CYB5A: variants seen among roughly 807,000 people sequenced by gnomAD.
The protein encoded by CYB5A is cytochrome b5 type A.
In CYB5A, 10 loss-of-function variants were observed where a neutral mutation model predicts 16.2. That is an observed-to-expected ratio of 0.62 (90% CI 0.38 to 1.04). The LOEUF (loss-of-function observed/expected upper bound fraction) is 1.04. Among genes scored for constraint, CYB5A ranks in the 50% least tolerant of loss-of-function variants. The probability of loss-of-function intolerance (pLI) is 0.01; values close to 1 mark genes in which losing one functional copy is unlikely to be tolerated. For synonymous variants in CYB5A, 62 were observed against 57.0 expected, an observed-to-expected ratio of 1.09 and a Z score of -0.40; for missense variants, 161 against 165.9, an observed-to-expected ratio of 0.97 and a Z score of 0.16.
Position 74,255,756 on chromosome 18 carries a change from A to T in CYB5A, c.308T>A (p.Ile103Asn). 1.9e-6 allele frequency: 3 copies of T among 1,612,602 alleles called. No homozygotes were observed. The highest frequency in any genetic ancestry group is 2.5e-6 in the Non-Finnish European group (3 of 1,178,568). Residue 103 changes from isoleucine (I) to asparagine (N), a missense_variant, in exon 4 of 5, where the codon ATT (isoleucine) becomes AAT (asparagine). Ile to Asn is a moderately radical substitution (Grantham distance 149, BLOSUM62 -3). Transcript: ENST00000340533. ...TACCACATACCTGGAACTAGAATCA[A>T]TAGTAGTGATAAGAGTTTCCTGAAA... ...NKPPETLITT[I>N]DSSSSWWTNW...
intron 1 of CYB5A, among the ~76,000 whole-genome samples, chr18:74,267,036 G>A (rs1358209448): frequency 1.3e-5 from 2 of 152,094 alleles, no homozygotes; most frequent in African/African-American, 2.4e-5. Flanking sequence ...TGAAATATAT[G>A]TATTACGGAG....
At chr18:74,274,893 C>T (rs932534172) in intron 1 of CYB5A, among the ~76,000 whole-genome samples, 1 of 152,190 alleles carries the variant, frequency 6.6e-6, no homozygotes, top group South Asian at 2.1e-4. Flanking sequence ...ACAGCAGAGG[C>T]TTCCGTTCCT....
intron 2 of CYB5A, 111 bp downstream of exon 2, chr18:74,263,238 G>T: frequency 2.9e-6 from 4 of 1,385,874 alleles, no homozygotes; most frequent in Non-Finnish European, 3.0e-6. Context: ...ATCAGGAGTT[G>T]TTTTTGCTTT....
chr18:74,263,658 T>C (rs1344431226), intron 1 of CYB5A, among the ~76,000 whole-genome samples, 181 bp from the exon 2 acceptor site: 2 of 152,176 alleles, frequency 1.3e-5, no homozygotes, highest in African/African-American at 2.4e-5. Context: ...ATTTCCATCA[T>C]GCAAGTACAA....
chr18:74,262,820 G>C (rs915489641), intron 2 of CYB5A, among the ~76,000 whole-genome samples: 2 of 152,128 alleles, frequency 1.3e-5, no homozygotes, highest in African/African-American at 4.8e-5. Flanking sequence ...CATGGCTGTG[G>C]GGTGGAGCCT....
chr18:74,255,818 C>A, intron 3 of CYB5A, 43 bp from the exon 4 acceptor site: 4 of 1,441,276 alleles, frequency 2.8e-6, no homozygotes, highest in Middle Eastern at 1.7e-4. Context: ...CAAGGGAATG[C>A]TGAACTTATT....
At chr18:74,272,335 G>A (rs1165391440) in intron 1 of CYB5A, among the ~76,000 whole-genome samples, 3 of 152,190 alleles carry the variant, frequency 2.0e-5, no homozygotes, top group South Asian at 2.1e-4. Context: ...CAGTAAGGAC[G>A]ACCCAAATGT....
chr18:74,288,365 G>A (rs941430527), intron 1 of CYB5A, among the ~76,000 whole-genome samples: 3 of 146,186 alleles, frequency 2.1e-5, no homozygotes, highest in Admixed American at 7.0e-5. Flanking sequence ...CTGTCCATAC[G>A]GATGGGGGAT....
At chr18:74,280,166 T>C (rs948211671) in intron 1 of CYB5A, among the ~76,000 whole-genome samples, 12 of 152,148 alleles carry the variant, frequency 7.9e-5, no homozygotes, top group Admixed American at 7.2e-4. Flanking sequence ...CAGGGAACCA[T>C]ATGTTATTTG....
intron 1 of CYB5A, among the ~76,000 whole-genome samples, chr18:74,276,301 T>A (rs1356457489): frequency 1.3e-5 from 2 of 152,068 alleles, no homozygotes; most frequent in Non-Finnish European, 2.9e-5. Flanking sequence ...CTTTCTGACT[T>A]TGAGAGTTCA....
Position 74,251,862 on chromosome 18 carries a change from C to G in CYB5A, c.*1722G>C, listed in dbSNP as rs185502317. On this transcript the variant is annotated 3_prime_UTR_variant, in exon 5 of 5. Transcript: ENST00000340533. ...AAAGTTCAACTGTTATGTTTCTTAACGATATACAGATGCTATTACTCAACA... is the reference window on the plus strand; with the variant it reads ...AAAGTTCAACTGTTATGTTTCTTAAGGATATACAGATGCTATTACTCAACA... The G allele has an allele frequency of 1.3e-5, 2 of 152,152 alleles. No homozygotes were observed. Among genetic ancestry groups the G allele is most frequent in the African/African-American group, 4.8e-5 (2 of 41,428 alleles). 9.4% of individuals were successfully genotyped at this position (152,152 alleles called of 1,614,324 possible). A position where few individuals can be genotyped will look rare whatever the true frequency, so the allele number is the denominator to read the frequency against.
At chr18:74,278,904 C>T (rs1040754264) in intron 1 of CYB5A, among the ~76,000 whole-genome samples, 10 of 152,234 alleles carry the variant, frequency 6.6e-5, no homozygotes, top group Admixed American at 6.5e-4. Context: ...CTACACTTGT[C>T]TCATTGGATA....
intron 3 of CYB5A, chr18:74,259,808 A>C (rs1490296105): frequency 6.6e-6 from 1 of 152,234 alleles, no homozygotes; most frequent in Non-Finnish European, 1.5e-5. Context: ...AAAGATGCTA[A>C]AGTCAAATGA....
At chr18:74,265,387 A>G (rs1301013091) in intron 1 of CYB5A, among the ~76,000 whole-genome samples, 1 of 152,204 alleles carries the variant, frequency 6.6e-6, no homozygotes, top group East Asian at 1.9e-4. Context: ...TTGTTTTAGA[A>G]AATAAAAAGG....
At chr18:74,273,128 G>A (rs1982735097) in intron 1 of CYB5A, among the ~76,000 whole-genome samples, 1 of 152,112 alleles carries the variant, frequency 6.6e-6, no homozygotes, top group Non-Finnish European at 1.5e-5. Context: ...ACACAAATAT[G>A]GCAGAAAATG....
At chr18:74,263,969 C>T (rs1359300086) in intron 1 of CYB5A, among the ~76,000 whole-genome samples, 3 of 151,970 alleles carry the variant, frequency 2.0e-5, no homozygotes, top group Non-Finnish European at 2.9e-5. Flanking sequence ...CGGTAGCTCA[C>T]GCCTGTAATC....
At chr18:74,258,324 A>G (rs1438805853) in intron 3 of CYB5A, 1 of 152,226 alleles carries the variant, frequency 6.6e-6, no homozygotes, top group East Asian at 1.9e-4. Context: ...TTTCAAAACT[A>G]TAACCAAGAA....
At chr18:74,287,001 A>G (rs1983345052) in intron 1 of CYB5A, among the ~76,000 whole-genome samples, 1 of 152,208 alleles carries the variant, frequency 6.6e-6, no homozygotes, top group Admixed American at 6.5e-5. Flanking sequence ...CAAAAAATAT[A>G]GAGATATATA....
intron 1 of CYB5A, among the ~76,000 whole-genome samples, chr18:74,284,011 T>C (rs1002583957): frequency 1.3e-5 from 2 of 152,026 alleles, no homozygotes; most frequent in Admixed American, 6.6e-5. Flanking sequence ...GGCGAGTGGA[T>C]CACTTGAGGT....
Sources: gnomAD v4.1 joint callset for allele counts (sites outside exome capture counted in the v4.1 genomes callset) on GRCh38, gnomAD v4.1.1 for gene constraint, MANE v1.5 for transcripts, NCBI Gene and HGNC (gene_info 2026-07-23, HGNC 2026-07-21) for gene names.